NOMO1: variants seen among roughly 807,000 people sequenced by gnomAD.
NOMO1 encodes the protein nodal modulator 3.
Under a neutral mutation model 133.8 loss-of-function variants are expected in NOMO1, and 40 were observed. That is an observed-to-expected ratio of 0.30 (90% CI 0.23 to 0.39). The LOEUF is 0.39. Among genes scored for constraint, NOMO1 ranks in the 10% least tolerant of loss-of-function variants. The probability of loss-of-function intolerance (pLI) is 1.00; values close to 1 mark genes in which losing one functional copy is unlikely to be tolerated. For synonymous variants in NOMO1, 236 were observed against 570.5 expected, an observed-to-expected ratio of 0.41 and a Z score of 8.36; for missense variants, 462 against 1,419.9, an observed-to-expected ratio of 0.33 and a Z score of 10.84.
In NOMO1 at chr16:14,838,596, G is replaced by A; in HGVS notation, c.255+100G>A. 2.5e-6 allele frequency: 3 copies of A among 1,224,104 alleles called. No homozygotes were observed. In the South Asian group the frequency reaches 4.1e-5, roughly 17 times the overall value. The allele number at this position is 1,224,104 out of a possible 1,614,324, so 75.8% of individuals were successfully genotyped here. On this transcript the variant is annotated intron_variant, in intron 2 of 30. Transcript: ENST00000287667. ...TTCCTACACTAGCAAATGCTCATCT[G>A]TTTTGTAAATTATTAGTGGAATATG...
rs1310418856 is a variant in NOMO1 at position 14,869,854 on chromosome 16, C to A, written c.1894+1219C>A. Among the ~76,000 whole-genome samples, 3 of 141,830 alleles carry A rather than the reference C, an allele frequency of 2.1e-5. No individual in the cohort carries two copies. The East Asian group carries it at 6.5e-4, about 31-fold the overall frequency. 93.0% of individuals were successfully genotyped at this position (141,830 alleles called of 152,430 possible). A position where few individuals can be genotyped will look rare whatever the true frequency, so the allele number is the denominator to read the frequency against. On this transcript the variant is annotated intron_variant, in intron 16 of 30. Transcript: ENST00000287667. ...ACAGAGGCTGTGTCGTTTGATATTCCCACCAGCAATGCACGAGGGTTCCGG... is the reference window on the plus strand; with the variant it reads ...ACAGAGGCTGTGTCGTTTGATATTCACACCAGCAATGCACGAGGGTTCCGG...
At position 14,876,481 on chromosome 16, in the gene NOMO1, C is replaced by G. The variant is rs1964163320; in HGVS notation, c.2479C>G (p.Leu827Val). Residue 827 changes from leucine to valine, a missense_variant, in exon 21 of 31, where the codon CTG (leucine) becomes GTG (valine). Coordinates refer to ENST00000287667, the MANE Select transcript of NOMO1 (RefSeq NM_014287.4). ...CAGTGAAAAGGGGGCAAGTTCACCG[C>G]TGATCACAGTCTTTACTGATGACAA... ...VISEKGASSP[L>V]ITVFTDDKGA... 4 of 1,611,512 alleles carry G rather than the reference C, an allele frequency of 2.5e-6. No homozygotes were observed. In the East Asian group the frequency reaches 6.7e-5, roughly 27 times the overall value.
At chr16:14,892,609 T>TAAAA (rs757049459) in intron 29 of NOMO1, among the ~76,000 whole-genome samples, 2 of 105,820 alleles carry the variant, frequency 1.9e-5, no homozygotes, top group Admixed American at 9.7e-5. Flanking sequence ...AAAGTATAAT[T>TAAAA]AAAAAAAAAA....
intron 20 of NOMO1, among the ~76,000 whole-genome samples, chr16:14,876,015 G>T (rs1171467813): frequency 7.0e-6 from 1 of 142,440 alleles, no homozygotes; most frequent in East Asian, 2.0e-4. Context: ...GTCTTTCTCA[G>T]TGGGTCCTCC....
intron 16 of NOMO1, among the ~76,000 whole-genome samples, chr16:14,869,216 G>T (rs1312942594): frequency 6.6e-6 from 1 of 151,816 alleles, no homozygotes; most frequent in South Asian, 2.1e-4. Flanking sequence ...GGGATTACAG[G>T]TGTGAGCTGC....
intron 2 of NOMO1, 68 bp from the exon 3 acceptor site, chr16:14,841,267 AAAAAAATTTTAGATTAAATGATAACAC>A: frequency 2.3e-6 from 2 of 862,892 alleles, no homozygotes; most frequent in Non-Finnish European, 3.8e-6. Flanking sequence ...TTTCCGGTGT[AAAAAAATTTTAGATTAAATGATAACAC>A]TAAACTAAAT....
chr16:14,886,857 G>A lies in NOMO1; in HGVS notation c.3319G>A (p.Gly1107Ser), dbSNP rs571097092. 18 of 1,611,762 alleles carry A rather than the reference G, an allele frequency of 1.1e-5. No individual in the cohort carries two copies. Among genetic ancestry groups the A allele is most frequent in the Admixed American group, 8.3e-5 (5 of 60,002 alleles). ...FFHFPPLLRDGENYVVLLDST... is the reference protein window; with the variant it reads ...FFHFPPLLRDSENYVVLLDST... ...CCATTTCCCCCCACTGCTCAGAGAC[G>A]GCGAGGTAATGCCTGTGGCCGGATT... The change falls in exon 28 of 31, where the codon GGC becomes AGC. Residue 1107 changes from glycine (G) to serine (S), a missense_variant. Physicochemically the swap from Gly to Ser is moderately conservative, Grantham distance 56 (BLOSUM62 0). Transcript: ENST00000287667.
At chr16:14,885,981 G>C (rs1364390882) in intron 27 of NOMO1, among the ~76,000 whole-genome samples, 2 of 152,098 alleles carry the variant, frequency 1.3e-5, no homozygotes, top group Non-Finnish European at 2.9e-5. Flanking sequence ...CCCCTTGTGT[G>C]TTATGTAGAA....
intron 3 of NOMO1, among the ~76,000 whole-genome samples, chr16:14,842,748 C>A (rs1397962865): frequency 6.6e-6 from 1 of 151,238 alleles, no homozygotes; most frequent in Admixed American, 6.6e-5. Context: ...TCCATTTGGT[C>A]TGTTTTGAAC....
intron 3 of NOMO1, among the ~76,000 whole-genome samples, chr16:14,842,700 C>G (rs1350364203): frequency 1.3e-5 from 2 of 151,884 alleles, no homozygotes; most frequent in Non-Finnish European, 2.9e-5. Flanking sequence ...GCCCCACCCT[C>G]CAGGTGACCA....
At chr16:14,839,436 A>G (rs903679579) in intron 2 of NOMO1, among the ~76,000 whole-genome samples, 7 of 152,094 alleles carry the variant, frequency 4.6e-5, no homozygotes, top group Non-Finnish European at 8.8e-5. Context: ...ACACATGCAT[A>G]TGTATACATG....
chr16:14,893,722 T>A (rs1964438822), intron 29 of NOMO1, among the ~76,000 whole-genome samples: 1 of 150,514 alleles, frequency 6.6e-6, no homozygotes, highest in African/African-American at 2.5e-5. Flanking sequence ...TTGAGGATTT[T>A]AAAGAGTTTG....
At chr16:14,873,949 C>A (rs556654934) in intron 18 of NOMO1, among the ~76,000 whole-genome samples, 1 of 151,770 alleles carries the variant, frequency 6.6e-6, no homozygotes, top group East Asian at 2.0e-4. Flanking sequence ...CAGCCAATTC[C>A]CCAACAAAGC....
intron 1 of NOMO1, among the ~76,000 whole-genome samples, chr16:14,835,352 T>C (rs1016919268): frequency 6.6e-6 from 1 of 151,298 alleles, no homozygotes; most frequent in Non-Finnish European, 1.5e-5. Context: ...TGTTTCTGGG[T>C]GCCCATGCCA....
chr16:14,866,825 G>T, intron 15 of NOMO1, 134 bp downstream of exon 15: 1 of 1,581,856 alleles, frequency 6.3e-7, no homozygotes, highest in Non-Finnish European at 8.6e-7. Flanking sequence ...TCGCCCACCT[G>T]TTACGCAACG....
intron 6 of NOMO1, among the ~76,000 whole-genome samples, chr16:14,849,896 C>CTTTTTTT (rs1171906105): frequency 2.3e-5 from 2 of 87,930 alleles, no homozygotes; most frequent in African/African-American, 9.3e-5. Flanking sequence ...CAGATACAGT[C>CTTTTTTT]TTTTTTTTTT....
chr16:14,887,481 T>C (rs146687723), intron 28 of NOMO1, among the ~76,000 whole-genome samples: 69 of 151,890 alleles, frequency 4.5e-4, no homozygotes, highest in Middle Eastern at 3.4e-3. Flanking sequence ...TTTTTATTTT[T>C]AGTAGAGACG....
At chr16:14,840,203 A>G (rs577425182) in intron 2 of NOMO1, among the ~76,000 whole-genome samples, 2 of 81,840 alleles carry the variant, frequency 2.4e-5, no homozygotes, top group Non-Finnish European at 4.9e-5. Context: ...CTTCATCCAG[A>G]ATGCATAGGA....
intron 18 of NOMO1, 42 bp from the exon 19 acceptor site, chr16:14,874,994 C>T (rs368047876): frequency 6.2e-7 from 1 of 1,613,510 alleles, no homozygotes; most frequent in African/African-American, 1.3e-5. Context: ...CCACTGACCA[C>T]AAGGATACGC....
Sources: allele counts gnomAD v4.1 joint callset (sites outside exome capture counted in the v4.1 genomes callset), GRCh38; gene constraint gnomAD v4.1.1; transcripts MANE v1.5; gene names NCBI Gene and HGNC (gene_info 2026-07-23, HGNC 2026-07-21).